The following TENM4 variants were observed in gnomAD, a reference collection of about 807,000 sequenced individuals.
The protein encoded by TENM4 is teneurin-4.
Under a neutral mutation model 243.3 loss-of-function variants are expected in TENM4, and 82 were observed. The observed-to-expected ratio is 0.34, with a 90% CI of 0.28 to 0.40. The LOEUF (loss-of-function observed/expected upper bound fraction) is 0.40, where lower values mean the gene tolerates loss of function less well. Ranked by LOEUF, TENM4 falls within the 10% of genes least tolerant of loss-of-function variation. The pLI, the probability that TENM4 is intolerant of heterozygous loss-of-function variation, is 1.00. For missense variants in TENM4, 3,138 were observed against 3,673.3 expected, an observed-to-expected ratio of 0.85 and a Z score of 3.77; for synonymous variants, 1,412 against 1,456.3, an observed-to-expected ratio of 0.97 and a Z score of 0.69.
At chr11:78,780,988 A>G (rs1856828568) in intron 16 of TENM4, among the ~76,000 whole-genome samples, 1 of 152,206 alleles carries the variant, frequency 6.6e-6, no homozygotes, top group South Asian at 2.1e-4. Flanking sequence ...TGAATCCAAA[A>G]GCTGGTAACA....
chr11:78,878,425 G>T (rs1431856910), intron 9 of TENM4, among the ~76,000 whole-genome samples: 1 of 152,154 alleles, frequency 6.6e-6, no homozygotes, highest in African/African-American at 2.4e-5. Context: ...GCACCATAAA[G>T]GCATAGAACT....
Position 79,063,299 on chromosome 11 carries a change from G to A in TENM4, c.493+1439C>T, listed in dbSNP as rs115246420. 4.3e-3 allele frequency among the ~76,000 whole-genome samples: 660 copies of A among 152,294 alleles called. 3 individuals are homozygous for A. The highest frequency in any genetic ancestry group is 0.015 in the African/African-American group (619 of 41,560). On this transcript the variant is annotated intron_variant, in intron 6 of 33. Coordinates refer to ENST00000278550, the MANE Select transcript of TENM4 (RefSeq NM_001098816.3). ...ACTAACCCCTCTAAGCCTCATCTCT[G>A]ACCTGGTCCCTGCCCTGATCCAGGG... is the stretch of plus-strand genomic sequence containing the variant.
At chr11:79,167,637 T>G (rs867909335) in intron 3 of TENM4, among the ~76,000 whole-genome samples, 1 of 152,224 alleles carries the variant, frequency 6.6e-6, no homozygotes, top group African/African-American at 2.4e-5. Context: ...CCACTCCGAC[T>G]GCCAGAAGGC....
At chr11:79,312,107 G>C (rs965854887) in intron 1 of TENM4, among the ~76,000 whole-genome samples, 4 of 152,164 alleles carry the variant, frequency 2.6e-5, no homozygotes, top group African/African-American at 7.2e-5. Flanking sequence ...CCTCCAGGAA[G>C]CTTCCCTATT....
At chr11:79,270,648 TTCTC>T (rs1460955986) in intron 2 of TENM4, among the ~76,000 whole-genome samples, 1 of 152,144 alleles carries the variant, frequency 6.6e-6, no homozygotes, top group Non-Finnish European at 1.5e-5. Context: ...GCTGTTCACA[TTCTC>T]TCTATCTAGA....
chr11:79,325,672 A>G (rs1856962825), intron 1 of TENM4, among the ~76,000 whole-genome samples: 1 of 152,244 alleles, frequency 6.6e-6, no homozygotes, highest in South Asian at 2.1e-4. Flanking sequence ...GGCTCACTGT[A>G]GGAAAGTACC....
At chr11:79,293,237 ACT>A (rs1856386465) in intron 2 of TENM4, among the ~76,000 whole-genome samples, 1 of 152,186 alleles carries the variant, frequency 6.6e-6, no homozygotes, top group African/African-American at 2.4e-5. Context: ...ATATTTATTA[ACT>A]CTTTGACACT....
intron 3 of TENM4, among the ~76,000 whole-genome samples, chr11:79,168,577 C>T (rs1862969921): frequency 6.6e-6 from 1 of 152,206 alleles, no homozygotes; most frequent in African/African-American, 2.4e-5. Flanking sequence ...ACTCTGGCTC[C>T]TGGCATCTTG....
chr11:78,775,302 G>A (rs944699382), intron 17 of TENM4, among the ~76,000 whole-genome samples: 1 of 152,196 alleles, frequency 6.6e-6, no homozygotes, highest in African/African-American at 2.4e-5. Flanking sequence ...CATAGTCCAT[G>A]CTGCTCTGAG....
chr11:79,244,511 A>T (rs1855479702), intron 2 of TENM4, among the ~76,000 whole-genome samples: 1 of 152,088 alleles, frequency 6.6e-6, no homozygotes, highest in Non-Finnish European at 1.5e-5. Flanking sequence ...GTGCAGAACC[A>T]GGTGGTGATA....
chr11:78,716,131 T>C (rs1262183925), intron 25 of TENM4, among the ~76,000 whole-genome samples: 1 of 152,182 alleles, frequency 6.6e-6, no homozygotes, highest in Non-Finnish European at 1.5e-5. Context: ...CACAGATTCC[T>C]AAGTGGCAGG....
intron 1 of TENM4, among the ~76,000 whole-genome samples, chr11:79,424,679 A>G (rs1378783626): frequency 6.6e-6 from 1 of 151,646 alleles, no homozygotes; most frequent in Non-Finnish European, 1.5e-5. Context: ...TCACGCCTGT[A>G]ATCCCAACAC....
chr11:79,329,319 C>T (rs4944228), intron 1 of TENM4, among the ~76,000 whole-genome samples: 76,420 of 152,044 alleles, frequency 0.5, 20,797 homozygotes, highest in African/African-American at 0.73. Flanking sequence ...TCAGCAGTGA[C>T]GGGAGAGGCC....
intron 1 of TENM4, among the ~76,000 whole-genome samples, chr11:79,316,603 T>C (rs888409509): frequency 6.6e-6 from 1 of 152,202 alleles, no homozygotes; most frequent in South Asian, 2.1e-4. Context: ...TTAAAACAAG[T>C]ATTGCAGTGA....
At chr11:79,308,539 C>T (rs1856664576) in intron 1 of TENM4, among the ~76,000 whole-genome samples, 1 of 152,220 alleles carries the variant, frequency 6.6e-6, no homozygotes, top group African/African-American at 2.4e-5. Flanking sequence ...TGGTTTATTA[C>T]CCATATTCAC....
intron 4 of TENM4, among the ~76,000 whole-genome samples, chr11:79,084,353 G>A (rs893952974): frequency 3.5e-4 from 53 of 152,266 alleles, no homozygotes; most frequent in Middle Eastern, 3.4e-3. Flanking sequence ...ACAACCTAGC[G>A]CTTGTATTCT....
chr11:79,325,743 T>C (rs1255360022), intron 1 of TENM4, among the ~76,000 whole-genome samples: 1 of 152,164 alleles, frequency 6.6e-6, no homozygotes, highest in African/African-American at 2.4e-5. Flanking sequence ...CATTTTATAA[T>C]TCACTGGGTC....
At chr11:78,874,299 T>G (rs1333570341) in intron 9 of TENM4, among the ~76,000 whole-genome samples, 1 of 152,228 alleles carries the variant, frequency 6.6e-6, no homozygotes, top group African/African-American at 2.4e-5. Flanking sequence ...AAGAATTAAA[T>G]TTAATGAGGA....
chr11:78,767,634 C>T (rs1045502885), intron 18 of TENM4, among the ~76,000 whole-genome samples: 40 of 152,210 alleles, frequency 2.6e-4, no homozygotes, highest in African/African-American at 9.6e-4. Flanking sequence ...AGTCAATGTT[C>T]TCTGATGTCC....
Sources: gnomAD v4.1 joint callset for allele counts (sites outside exome capture counted in the v4.1 genomes callset) on GRCh38, gnomAD v4.1.1 for gene constraint, MANE v1.5 for transcripts, NCBI Gene and HGNC (gene_info 2026-07-23, HGNC 2026-07-21) for gene names.